The following KLF12 variants were observed in gnomAD, a reference collection of about 807,000 sequenced individuals.
KLF12 encodes the protein KLF transcription factor 12, also known as Krueppel-like factor 12.
KLF12 carries 9 observed loss-of-function variants against 37.8 expected under a neutral mutation model. That is an observed-to-expected ratio of 0.24 (90% CI 0.14 to 0.42). KLF12 has a LOEUF of 0.42. Among genes scored for constraint, KLF12 ranks in the 10% least tolerant of loss-of-function variants. The pLI is 1.00. For missense variants in KLF12, 411 were observed against 516.0 expected (o/e 0.80, Z 1.97); for synonymous variants, 208 against 202.1 (o/e 1.03, Z -0.25).
chr13:74,287,337 A>G, the KLF12 span, among the ~76,000 whole-genome samples: 1 of 139,394 alleles, frequency 7.2e-6, no homozygotes, highest in South Asian at 2.4e-4. Context: ...ACAAACAGGG[A>G]TCTATCAAAG....
intron 1 of KLF12, among the ~76,000 whole-genome samples, chr13:74,126,958 T>C (rs1227745418): frequency 1.3e-5 from 2 of 152,254 alleles, no homozygotes; most frequent in Non-Finnish European, 2.9e-5. Context: ...ATACTAGGTA[T>C]ACAATAAGGA....
At chr13:73,849,774 C>A (rs750604142) in intron 3 of KLF12, among the ~76,000 whole-genome samples, 9 of 152,174 alleles carry the variant, frequency 5.9e-5, no homozygotes, top group Non-Finnish European at 1.0e-4. Flanking sequence ...AATGAATTCT[C>A]ATGGCAGTGT....
Position 73,695,475 on chromosome 13 carries a change from G to A in KLF12, c.*15C>T. 1 of 1,612,578 alleles carries A rather than the reference G, an allele frequency of 6.2e-7. No individual in the cohort carries two copies. On this transcript the variant is annotated 3_prime_UTR_variant, in exon 8 of 8. Transcript: ENST00000377669. ...GAGATCCAGCTCTTACGCTCAGCTG[G>A]ACAGGTAGCATTCCTCACACCAACA...
At chr13:73,833,270 G>A (rs1022471637) in intron 4 of KLF12, among the ~76,000 whole-genome samples, 7 of 152,130 alleles carry the variant, frequency 4.6e-5, no homozygotes, top group African/African-American at 1.4e-4. Flanking sequence ...CAATATCTAC[G>A]TATTAAGACT....
intron 6 of KLF12, among the ~76,000 whole-genome samples, chr13:73,757,245 C>T (rs1047423589): frequency 5.9e-5 from 9 of 152,170 alleles, no homozygotes; most frequent in Admixed American, 3.3e-4. Context: ...TCCTCAGCCC[C>T]TTAGCTATTA....
chr13:74,246,661 G>A, the KLF12 span, among the ~76,000 whole-genome samples: 7 of 152,148 alleles, frequency 4.6e-5, no homozygotes, highest in South Asian at 2.1e-4. Context: ...CAGAAACACC[G>A]GACAGATGGC....
chr13:73,957,106 A>AAAGG (rs1310221330), intron 2 of KLF12, among the ~76,000 whole-genome samples: 2,203 of 133,734 alleles, frequency 0.016, 112 homozygotes, highest in Non-Finnish European at 0.026. Context: ...GAAAGGAAAG[A>AAAGG]AAGGAAAAGA....
the KLF12 span, among the ~76,000 whole-genome samples, chr13:74,168,075 C>T: frequency 1.3e-5 from 2 of 152,210 alleles, no homozygotes; most frequent in East Asian, 3.8e-4. Context: ...GTGCATCTTT[C>T]ATTTCCTATA....
the KLF12 span, chr13:74,231,596 A>AAT: frequency 1.3e-5 from 2 of 152,174 alleles, no homozygotes; most frequent in Non-Finnish European, 2.9e-5. Context: ...AGCCCTGACT[A>AAT]TCCCAACATA....
intron 4 of KLF12, among the ~76,000 whole-genome samples, chr13:73,827,010 G>C (rs555440825): frequency 3.6e-4 from 55 of 152,140 alleles, no homozygotes; most frequent in African/African-American, 1.3e-3. Flanking sequence ...TGAACTCCTG[G>C]GCTTAAGTGA....
At chr13:74,012,387 A>C (rs1047110661) in intron 1 of KLF12, among the ~76,000 whole-genome samples, 1 of 152,162 alleles carries the variant, frequency 6.6e-6, no homozygotes, top group Non-Finnish European at 1.5e-5. Context: ...CAGAAATATA[A>C]CCCAATATCT....
chr13:74,228,583 T>C, the KLF12 span, among the ~76,000 whole-genome samples: 78 of 152,188 alleles, frequency 5.1e-4, no homozygotes, highest in South Asian at 0.016. Context: ...AGAGCTTAAA[T>C]GAGAATTTAA....
At chr13:73,873,019 G>A (rs146021341) in intron 3 of KLF12, among the ~76,000 whole-genome samples, 332 of 152,090 alleles carry the variant, frequency 2.2e-3, no homozygotes, top group Non-Finnish European at 3.1e-3. Flanking sequence ...GCTGTTAGGT[G>A]CCTCTCTTTC....
At chr13:73,727,594 A>G (rs932160666) in intron 6 of KLF12, among the ~76,000 whole-genome samples, 8 of 152,134 alleles carry the variant, frequency 5.3e-5, no homozygotes, top group African/African-American at 1.7e-4. Flanking sequence ...TCTTAATTTT[A>G]TAGCTTTAGG....
At chr13:74,180,827 T>C in the KLF12 span, among the ~76,000 whole-genome samples, 1 of 152,196 alleles carries the variant, frequency 6.6e-6, no homozygotes, top group African/African-American at 2.4e-5. Context: ...GCTAATCAGT[T>C]GCTTTTTTCC....
chr13:73,983,484 A>G (rs1405192778), intron 2 of KLF12, among the ~76,000 whole-genome samples: 2 of 152,242 alleles, frequency 1.3e-5, no homozygotes, highest in African/African-American at 4.8e-5. Context: ...CCTCCCAGTT[A>G]CTGCCTGCCA....
chr13:74,305,074 C>G, the KLF12 span, among the ~76,000 whole-genome samples: 1 of 152,058 alleles, frequency 6.6e-6, no homozygotes, highest in Non-Finnish European at 1.5e-5. Context: ...TCTCCCCACT[C>G]ATTCTCTTTT....
rs1031646594 is a variant in KLF12, at chr13:74,082,202, G to A, written c.-32+51537C>T. On this transcript the variant is annotated intron_variant, in intron 1 of 7. Transcript: ENST00000377669. Reference sequence around the variant, plus strand: ...AACAAAGTTAGCCAGGTGTGGTGGTGCGTACCTGTAATCCCAGCTACTTGG... The same window carrying A: ...AACAAAGTTAGCCAGGTGTGGTGGTACGTACCTGTAATCCCAGCTACTTGG... Among the ~76,000 whole-genome samples, 4 of 146,610 alleles carry A rather than the reference G, an allele frequency of 2.7e-5. No individual in the cohort carries two copies. The South Asian group carries it at 6.4e-4, about 23-fold the overall frequency.
intron 1 of KLF12, among the ~76,000 whole-genome samples, chr13:74,124,762 T>C (rs1219584850): frequency 1.3e-5 from 2 of 152,132 alleles, no homozygotes; most frequent in Admixed American, 1.3e-4. Context: ...CCATCAGCTC[T>C]AAAAGATAAC....
Sources: allele counts gnomAD v4.1 joint callset (sites outside exome capture counted in the v4.1 genomes callset), GRCh38; gene constraint gnomAD v4.1.1; transcripts MANE v1.5; gene names NCBI Gene and HGNC (gene_info 2026-07-23, HGNC 2026-07-21).